LARGE1: variants seen among roughly 807,000 people sequenced by gnomAD.
LARGE1 encodes the protein xylosyl- and glucuronyltransferase LARGE1.
A neutral mutation model predicts 87.6 loss-of-function variants in LARGE1; 43 were observed. The ratio of observed to expected loss-of-function variants is 0.49; its 90% CI spans 0.38 to 0.63. The LOEUF (loss-of-function observed/expected upper bound fraction) is 0.63, where lower values mean the gene tolerates loss of function less well. LARGE1 is among the 30% of genes least tolerant of loss of function. LARGE1 has a pLI of 0.00. For synonymous variants in LARGE1, 434 were observed against 394.6 expected (o/e 1.10, Z -1.18); for missense variants, 802 against 1,000.2 (o/e 0.80, Z 2.67).
intron 4 of LARGE1, among the ~76,000 whole-genome samples, chr22:33,617,775 T>C (rs1048502845): frequency 1.3e-5 from 2 of 152,210 alleles, no homozygotes; most frequent in African/African-American, 4.8e-5. Context: ...GAAGCAAGTA[T>C]GTGCTTCCTC....
At chr22:33,580,012 G>A (rs2267235) in intron 5 of LARGE1, among the ~76,000 whole-genome samples, 36,238 of 152,102 alleles carry the variant, frequency 0.24, 4,849 homozygotes, top group African/African-American at 0.36. Context: ...CACGAGCACT[G>A]TCTTCAATAC....
intron 2 of LARGE1, among the ~76,000 whole-genome samples, chr22:33,704,245 T>C (rs1278200097): frequency 1.3e-5 from 2 of 152,206 alleles, no homozygotes; most frequent in South Asian, 4.1e-4. Flanking sequence ...CCCACTCTAA[T>C]GTTCTTGAAG....
In LARGE1 at chr22:33,361,108, G is replaced by A. The variant is rs561134522; in HGVS notation, c.1131+20811C>T. On this transcript the variant is annotated intron_variant, in intron 9 of 14. Transcript: ENST00000397394. Reference sequence around the variant, plus strand: ...CATGCCTGTAATCCCAGCTACTCGGGAGGCTGAGGCAGAATTGCTTGAACC... The same window carrying A: ...CATGCCTGTAATCCCAGCTACTCGGAAGGCTGAGGCAGAATTGCTTGAACC... Among the ~76,000 whole-genome samples the A allele has an allele frequency of 5.4e-5, 8 of 149,436 alleles. No homozygotes were observed. In the East Asian group the frequency reaches 1.6e-3, roughly 29 times the overall value.
intron 2 of LARGE1, among the ~76,000 whole-genome samples, chr22:33,680,281 TCAGTC>T (rs1420672584): frequency 6.6e-6 from 1 of 152,244 alleles, no homozygotes; most frequent in Non-Finnish European, 1.5e-5. Flanking sequence ...TATGACAAAA[TCAGTC>T]CATGATCTAC....
At position 33,337,754 on chromosome 22, in the gene LARGE1, A is replaced by G. The variant is rs1333133961; in HGVS notation, c.1179T>C (p.His393=). 3.7e-6 allele frequency: 6 copies of G among 1,614,094 alleles called. No homozygotes were observed. Among genetic ancestry groups the G allele is most frequent in the East Asian group, 2.2e-5 (1 of 44,870 alleles). Residue 393 remains histidine (H), a synonymous_variant, in exon 10 of 15, where the codon CAT becomes CAC. Coordinates refer to ENST00000397394, the MANE Select transcript of LARGE1 (RefSeq NM_133642.5). ...SPKKLRVKNK[H]VEFFRNLYLT... ...GGTAGAGGTTGCGAAAAAACTCCAC[A>G]TGCTTGTTCTTCACCCGGAGCTTCT...
intron 3 of LARGE1, among the ~76,000 whole-genome samples, chr22:33,628,824 A>G (rs922292828): frequency 1.2e-4 from 18 of 151,632 alleles, no homozygotes; most frequent in Non-Finnish European, 5.9e-5. Context: ...GCCTGGAGAC[A>G]GTCTTGGTTG....
At chr22:33,841,606 G>C (rs898500155) in intron 1 of LARGE1, among the ~76,000 whole-genome samples, 17 of 152,320 alleles carry the variant, frequency 1.1e-4, no homozygotes, top group Non-Finnish European at 2.4e-4. Flanking sequence ...ATCACATCTT[G>C]TGGGCTCCAA....
At chr22:33,272,431 A>C (rs1407592535), downstream of LARGE1, among the ~76,000 whole-genome samples, 1 of 152,246 alleles carries the variant, frequency 6.6e-6, no homozygotes. Context: ...GGAAACTGGA[A>C]ATATGCCCAA....
intron 3 of LARGE1, among the ~76,000 whole-genome samples, chr22:33,643,661 A>C (rs1188268931): frequency 2.0e-5 from 3 of 152,146 alleles, no homozygotes; most frequent in Non-Finnish European, 2.9e-5. Flanking sequence ...TATATAGGCC[A>C]CTAGCTAGAC....
chr22:33,304,384 G>A lies in LARGE1; in HGVS notation c.1575C>T (p.Ser525=), dbSNP rs1569033522. 1 of 1,614,268 alleles carries A rather than the reference G, an allele frequency of 6.2e-7. No homozygotes were observed. Among genetic ancestry groups the A allele is most frequent in the Admixed American group, 1.7e-5 (1 of 60,034 alleles). The change falls in exon 12 of 15, where the codon AGC becomes AGT. Residue 525 remains serine (S), a synonymous_variant. Transcript: ENST00000397394. The part of the protein sequence containing the change: ...RYAQGSEVLM[S]RHNVGYHIVY... ...CGATGTGGTAGCCCACGTTGTGGCG[G>A]CTCATAAGCACCTCAGAGCCCTGTG... is the stretch of plus-strand genomic sequence containing the variant.
chr22:33,807,047 C>T (rs1428465046), intron 1 of LARGE1, among the ~76,000 whole-genome samples: 1 of 152,110 alleles, frequency 6.6e-6, no homozygotes, highest in African/African-American at 2.4e-5. Flanking sequence ...TCAAACCATG[C>T]AACTTCCACA....
At chr22:33,568,299 A>G (rs2148804554) in intron 5 of LARGE1, among the ~76,000 whole-genome samples, 1 of 152,338 alleles carries the variant, frequency 6.6e-6, no homozygotes, top group South Asian at 2.1e-4. Flanking sequence ...GCAGCCCTCC[A>G]GTCAACCCTA....
intron 12 of LARGE1, among the ~76,000 whole-genome samples, chr22:33,287,978 T>A (rs773099632): frequency 3.9e-5 from 6 of 152,210 alleles, no homozygotes; most frequent in Non-Finnish European, 8.8e-5. Context: ...CTGGGGTTGA[T>A]GCACTTGAAA....
chr22:33,508,497 CTA>C (rs2070873065), intron 6 of LARGE1, among the ~76,000 whole-genome samples: 1 of 152,206 alleles, frequency 6.6e-6, no homozygotes, highest in African/African-American at 2.4e-5. Flanking sequence ...ATTTGACTCT[CTA>C]TGTGAAAATT....
At chr22:33,294,691 G>C (rs187110566) in intron 12 of LARGE1, among the ~76,000 whole-genome samples, 350 of 152,270 alleles carry the variant, frequency 2.3e-3, no homozygotes, top group African/African-American at 8.3e-3. Context: ...CTCACTGGTG[G>C]TGGCTGCCTG....
At chr22:33,772,785 C>T (rs1241082495) in intron 1 of LARGE1, among the ~76,000 whole-genome samples, 1 of 152,150 alleles carries the variant, frequency 6.6e-6, no homozygotes, top group Non-Finnish European at 1.5e-5. Context: ...GGGCATAAAC[C>T]ATGACTACTT....
chr22:33,775,449 AC>A (rs571553312), intron 1 of LARGE1, among the ~76,000 whole-genome samples: 98 of 152,184 alleles, frequency 6.4e-4, no homozygotes, highest in African/African-American at 2.3e-3. Flanking sequence ...AGACTTTCCC[AC>A]ACCAACTCTG....
intron 6 of LARGE1, among the ~76,000 whole-genome samples, chr22:33,536,303 G>A (rs1467689879): frequency 1.3e-5 from 2 of 152,204 alleles, no homozygotes; most frequent in Non-Finnish European, 1.5e-5. Context: ...CATCTCTCAT[G>A]AAGATTACTG....
chr22:33,091,242 C>G, the LARGE1 span, among the ~76,000 whole-genome samples: 1 of 152,068 alleles, frequency 6.6e-6, no homozygotes. Flanking sequence ...CAGGTGTGTC[C>G]AGCTGGGGGA....
Sources: gnomAD v4.1 joint callset for allele counts (sites outside exome capture counted in the v4.1 genomes callset) on GRCh38, gnomAD v4.1.1 for gene constraint, MANE v1.5 for transcripts, NCBI Gene and HGNC (gene_info 2026-07-23, HGNC 2026-07-21) for gene names.